Variants in NCMAP observed in about 807,000 individuals in gnomAD.
The protein encoded by NCMAP is noncompact myelin-associated protein.
Under a neutral mutation model 7.8 loss-of-function variants are expected in NCMAP, and 8 were observed. The observed-to-expected ratio is 1.02, with a 90% CI of 0.60 to 1.84. The LOEUF is 1.84. Ranked by LOEUF, NCMAP falls within the 40% of genes most tolerant of loss-of-function variation. NCMAP has a pLI of 0.00. For synonymous variants in NCMAP, 41 were observed against 52.9 expected (o/e 0.78, Z 0.98); for missense variants, 112 against 131.4 (o/e 0.85, Z 0.72).
At chr1:24,567,794 AC>A (rs776488116) in intron 1 of NCMAP, among the ~76,000 whole-genome samples, 62 of 152,234 alleles carry the variant, frequency 4.1e-4, no homozygotes, top group Middle Eastern at 6.8e-3. Flanking sequence ...CAAAGAGGGG[AC>A]AAACCTTGGG....
chr1:24,565,313 A>G, intron 1 of NCMAP, among the ~76,000 whole-genome samples: 1 of 151,508 alleles, frequency 6.6e-6, no homozygotes, highest in East Asian at 1.9e-4. Context: ...TCAAGGACAC[A>G]TACATCCTGG....
At chr1:24,556,345 G>A (rs1295886432) in intron 1 of NCMAP, among the ~76,000 whole-genome samples, 176 bp downstream of exon 1, 1 of 151,702 alleles carries the variant, frequency 6.6e-6, no homozygotes, top group African/African-American at 2.4e-5. Context: ...AGTGCCTGGG[G>A]TCTGCGCGGG....
At chr1:24,568,283 A>T (rs995189411) in intron 1 of NCMAP, among the ~76,000 whole-genome samples, 5 of 152,218 alleles carry the variant, frequency 3.3e-5, no homozygotes, top group Non-Finnish European at 5.9e-5. Context: ...TATAACTCAG[A>T]GTTGACACAG....
intron 1 of NCMAP, among the ~76,000 whole-genome samples, chr1:24,557,617 A>G (rs1002656385): frequency 6.6e-6 from 1 of 152,064 alleles, no homozygotes; most frequent in African/African-American, 2.4e-5. Flanking sequence ...ACCTTTACTC[A>G]TGTCCTCTAA....
rs1651574645 is a variant in NCMAP, at chr1:24,576,762, TGGA to T, written c.-7-18660_-7-18658del. ...TGCCCCCCATCTCAGGCCTCTCTGT[TGGA>T]GTTTTCAAGATGGCCGTGTTAAGTA... On this transcript the variant is annotated intron_variant, in intron 1 of 3. Transcript: ENST00000374392. The surrounding 1 kb of genome is among the most constrained non-coding windows in gnomAD (Gnocchi z 4.0). 2.0e-5 allele frequency among the ~76,000 whole-genome samples: 3 copies of T among 152,046 alleles called. No homozygotes were observed. The highest frequency in any genetic ancestry group is 2.0e-4 in the Admixed American group (3 of 15,260).
At chr1:24,574,210 C>A (rs149421106) in intron 1 of NCMAP, among the ~76,000 whole-genome samples, 12,995 of 150,058 alleles carry the variant, frequency 0.087, 884 homozygotes, top group East Asian at 0.18. Flanking sequence ...CCTCTGCTTC[C>A]TGGGTTGAAG....
chr1:24,604,589 AAAAAAAAAAAAAAAAAATATATATAT>A (rs1652623499), intron 3 of NCMAP, among the ~76,000 whole-genome samples: 1 of 60,242 alleles, frequency 1.7e-5, no homozygotes, highest in Non-Finnish European at 2.8e-5. Context: ...AAAAAAAAAA[AAAAAAAAAAAAAAAAAATATATATAT>A]ATATATATAT....
chr1:24,562,790 G>C (rs1476451927), intron 1 of NCMAP, among the ~76,000 whole-genome samples: 1 of 152,108 alleles, frequency 6.6e-6, no homozygotes, highest in African/African-American at 2.4e-5. Flanking sequence ...CCCACCCCCA[G>C]CTGGGGGAAA....
chr1:24,587,115 T>C (rs543499800), intron 1 of NCMAP, among the ~76,000 whole-genome samples: 1 of 152,290 alleles, frequency 6.6e-6, no homozygotes, highest in South Asian at 2.1e-4. Flanking sequence ...TCACATCTGA[T>C]AAGTATCAAG....
chr1:24,602,727 C>A (rs559216073), intron 3 of NCMAP, among the ~76,000 whole-genome samples: 1 of 149,964 alleles, frequency 6.7e-6, no homozygotes, highest in African/African-American at 2.5e-5. Context: ...CATAGCAAGA[C>A]CCTGTCTCTG....
At chr1:24,561,257 G>T (rs113076315) in intron 1 of NCMAP, among the ~76,000 whole-genome samples, 1,709 of 151,760 alleles carry the variant, frequency 0.011, 42 homozygotes, top group African/African-American at 0.039. Flanking sequence ...TGAGGCAGGA[G>T]AATCACTTGA....
rs113918617 is a variant in NCMAP at position 24,561,529 on chromosome 1, C to T, written c.-8+5360C>T. ...CCTGCACCTAATGGAGACGTGGGTCCTCCAGCTAACAAGCACAGGGATGAA... is the reference window on the plus strand; with the variant it reads ...CCTGCACCTAATGGAGACGTGGGTCTTCCAGCTAACAAGCACAGGGATGAA... On this transcript the variant is annotated intron_variant, in intron 1 of 3. Coordinates refer to ENST00000374392, the MANE Select transcript of NCMAP (RefSeq NM_001010980.5). Among the ~76,000 whole-genome samples, 1,265 of 152,224 alleles carry T rather than the reference C, an allele frequency of 8.3e-3. 19 individuals are homozygous for T. Among genetic ancestry groups the T allele is most frequent in the African/African-American group, 0.027 (1,139 of 41,546 alleles).
chr1:24,596,261 A>G (rs1464661292), intron 2 of NCMAP, among the ~76,000 whole-genome samples: 1 of 152,150 alleles, frequency 6.6e-6, no homozygotes, highest in Non-Finnish European at 1.5e-5. Flanking sequence ...CAACAAAGTG[A>G]GCCTCCAAAA....
chr1:24,602,344 A>G (rs1557604465), intron 3 of NCMAP, among the ~76,000 whole-genome samples: 1 of 137,112 alleles, frequency 7.3e-6, no homozygotes, highest in Non-Finnish European at 1.5e-5. Flanking sequence ...GCACTTTGAG[A>G]GGCCGAGGCG....
intron 1 of NCMAP, among the ~76,000 whole-genome samples, chr1:24,570,676 C>T (rs1651362253): frequency 6.6e-6 from 1 of 150,844 alleles, no homozygotes; most frequent in Non-Finnish European, 1.5e-5. Flanking sequence ...CCTGCCCTCC[C>T]CCAGGCCCCT....
chr1:24,605,469 T>C, intron 3 of NCMAP, 137 bp from the exon 4 acceptor site: 4 of 990,460 alleles, frequency 4.0e-6, no homozygotes, highest in South Asian at 2.0e-5. Context: ...TAAAATTCTG[T>C]GGTGGCAAGT....
At chr1:24,605,553 C>T in intron 3 of NCMAP, 53 bp from the exon 4 acceptor site, 2 of 1,595,924 alleles carry the variant, frequency 1.3e-6, no homozygotes, top group Non-Finnish European at 1.7e-6. Context: ...GAGCCCATTC[C>T]CCGCGGCATA....
chr1:24,577,173 G>T (rs1007567607), intron 1 of NCMAP, among the ~76,000 whole-genome samples: 3 of 151,890 alleles, frequency 2.0e-5, no homozygotes, highest in African/African-American at 7.3e-5. Context: ...AAATAAAAAG[G>T]ATGTCACATG....
intron 1 of NCMAP, 146 bp from the exon 2 acceptor site, chr1:24,595,278 A>G: frequency 1.7e-6 from 1 of 580,602 alleles, no homozygotes; most frequent in Non-Finnish European, 3.0e-6. Flanking sequence ...GGTATCTAAT[A>G]ATGGGTTTTG....
Sources: gnomAD v4.1 joint callset for allele counts (sites outside exome capture counted in the v4.1 genomes callset) on GRCh38, gnomAD v4.1.1 for gene constraint, Gnocchi (gnomAD v3.1) non-coding constraint, MANE v1.5 for transcripts, NCBI Gene and HGNC (gene_info 2026-07-23, HGNC 2026-07-21) for gene names.